Variants in FAM170A observed in about 807,000 individuals in gnomAD.
FAM170A encodes the protein family with sequence similarity 170 member A.
FAM170A carries 28 observed loss-of-function variants against 36.6 expected under a neutral mutation model. The ratio of observed to expected loss-of-function variants is 0.76; its 90% CI spans 0.57 to 1.05. The LOEUF is 1.05. Among genes scored for constraint, FAM170A ranks in the 50% least tolerant of loss-of-function variants. FAM170A has a pLI of 0.00. For synonymous variants in FAM170A, 156 were observed against 143.9 expected, an observed-to-expected ratio of 1.08 and a Z score of -0.60; for missense variants, 434 against 396.5, an observed-to-expected ratio of 1.09 and a Z score of -0.80.
At chr5:119,630,321 ATTTTTTTTTT>A (rs10603530) in intron 1 of FAM170A, among the ~76,000 whole-genome samples, 10 of 118,392 alleles carry the variant, frequency 8.4e-5, no homozygotes, top group African/African-American at 3.0e-4. Context: ...CGCCTGGCTA[ATTTTTTTTTT>A]TTTTTTTTTT....
rs1224354975 is a variant in FAM170A, at chr5:119,631,655, G to A, written c.71-1093G>A. ...GTGGATATAGTTATATACACATACC[G>A]TTCCTCTATTACATACTCACACAAC... On this transcript the variant is annotated intron_variant, in intron 1 of 4. Transcript: ENST00000613773. Among the ~76,000 whole-genome samples the A allele has an allele frequency of 2.6e-5, 4 of 152,130 alleles. No homozygotes were observed. In the East Asian group the frequency reaches 5.8e-4, roughly 22 times the overall value.
At chr5:119,634,968 G>A in intron 3 of FAM170A, 60 bp from the exon 4 acceptor site, 1 of 1,604,398 alleles carries the variant, frequency 6.2e-7, no homozygotes, top group South Asian at 1.1e-5. Flanking sequence ...AGGAAATTCT[G>A]AGAATTTCAA....
intron 1 of FAM170A, 100 bp from the exon 2 acceptor site, chr5:119,632,648 C>G: frequency 4.3e-6 from 5 of 1,173,918 alleles, no homozygotes; most frequent in Non-Finnish European, 5.9e-6. Flanking sequence ...TTCACTACAC[C>G]TGACATAGGT....
In FAM170A at chr5:119,630,810, G is replaced by A. The variant is rs545651506; in HGVS notation, c.70+972G>A. Among the ~76,000 whole-genome samples, 13 of 152,282 alleles carry A rather than the reference G, an allele frequency of 8.5e-5. No homozygotes were observed. The South Asian group carries it at 2.3e-3, about 27-fold the overall frequency. The stretch of plus-strand genomic sequence containing the variant: ...GTGACTGAGGTGGAAGGTGTGAAGG[G>A]TGCTGGTAGAAGTCTATGATTTGCA... On this transcript the variant is annotated intron_variant, in intron 1 of 4. Coordinates refer to ENST00000613773, the Ensembl canonical transcript of FAM170A.
chr5:119,632,835 C>T lies in FAM170A; in HGVS notation c.158C>T (p.Ser53Phe), dbSNP rs746639231. The T allele has an allele frequency of 6.2e-6, 10 of 1,613,294 alleles. No homozygotes were observed. In the Middle Eastern group the frequency reaches 5.0e-4, roughly 80 times the overall value. ...AGCCAAGGGGTGGGAGAAGTTACTT[C>T]TACCTCCGAATACTGCTCCTGCGTT... The change falls in exon 2 of 5, where the codon TCT (serine) becomes TTT (phenylalanine). Residue 53 changes from serine to phenylalanine, a missense_variant. Coordinates refer to ENST00000613773, the Ensembl canonical transcript of FAM170A.
intron 1 of FAM170A, among the ~76,000 whole-genome samples, chr5:119,630,135 C>T (rs1272480772): frequency 3.6e-5 from 5 of 137,680 alleles, no homozygotes; most frequent in African/African-American, 8.3e-5. Context: ...TCCTGATCCG[C>T]CTGCCTCGGC....
At chr5:119,631,280 A>G (rs328703) in intron 1 of FAM170A, among the ~76,000 whole-genome samples, 63,218 of 152,054 alleles carry the variant, frequency 0.42, 13,358 homozygotes, top group South Asian at 0.54. Flanking sequence ...AGCCCTGGGA[A>G]TGGAGGCGTG....
In FAM170A at chr5:119,629,924, C is replaced by T; in HGVS notation, c.70+86C>T. ...TTTTCTTTTTTGAGACGGAGTCTCG[C>T]TCTATCGCCCAGGCTGGAGTGCAGT... On this transcript the variant is annotated intron_variant, in intron 1 of 4. Coordinates refer to ENST00000613773, the Ensembl canonical transcript of FAM170A. The T allele has an allele frequency of 6.4e-6, 7 of 1,091,954 alleles. 1 individual carries two copies. In the South Asian group the frequency reaches 7.7e-5, roughly 12 times the overall value. 67.6% of individuals were successfully genotyped at this position (1,091,954 alleles called of 1,614,324 possible). A position where few individuals can be genotyped will look rare whatever the true frequency, so the allele number is the denominator to read the frequency against.
chr5:119,631,762 CA>C (rs1756257099), intron 1 of FAM170A, among the ~76,000 whole-genome samples: 1 of 152,048 alleles, frequency 6.6e-6, no homozygotes. Flanking sequence ...AACTCTCACA[CA>C]AACACATCTA....
chr5:119,633,663 A>T (rs778256354), intron 2 of FAM170A, among the ~76,000 whole-genome samples: 1 of 151,970 alleles, frequency 6.6e-6, no homozygotes, highest in African/African-American at 2.4e-5. Flanking sequence ...CAAATAACAC[A>T]TCAATGATGG....
exon 3 of FAM170A, chr5:119,634,145 G>T (rs935106433): frequency 6.2e-7 from 1 of 1,614,028 alleles, no homozygotes; most frequent in African/African-American, 1.3e-5. Context: ...CTACATGCAG[G>T]TACAAATGAA....
At chr5:119,630,370 A>G (rs1561523119) in intron 1 of FAM170A, among the ~76,000 whole-genome samples, 2 of 138,068 alleles carry the variant, frequency 1.4e-5, no homozygotes, top group African/African-American at 5.6e-5. Context: ...ACAGGGTTTC[A>G]CCGTGTTAGC....
chr5:119,632,032 G>A (rs1186484881), intron 1 of FAM170A, among the ~76,000 whole-genome samples: 1 of 152,122 alleles, frequency 6.6e-6, no homozygotes, highest in Admixed American at 6.5e-5. Context: ...CTAAAAATAA[G>A]TATGACAAAT....
chr5:119,633,799 T>A (rs901740589), intron 2 of FAM170A, among the ~76,000 whole-genome samples, 161 bp from the exon 3 acceptor site: 2 of 152,034 alleles, frequency 1.3e-5, no homozygotes, highest in Admixed American at 1.3e-4. Context: ...CAAATGACAC[T>A]AGAATCACTA....
At position 119,630,149 on chromosome 5, in the gene FAM170A, C is replaced by CTTT. The variant is rs35312547; in HGVS notation, c.70+325_70+327dup. Among the ~76,000 whole-genome samples the CTTT allele has an allele frequency of 4.3e-3, 369 of 85,230 alleles. 55 individuals are homozygous for CTTT. Among genetic ancestry groups the CTTT allele is most frequent in the African/African-American group, 0.012 (251 of 21,772 alleles). The allele number at this position is 85,230 out of a possible 152,430, so 55.9% of individuals were successfully genotyped here. A position where few individuals can be genotyped will look rare whatever the true frequency, so the allele number is the denominator to read the frequency against. On this transcript the variant is annotated intron_variant, in intron 1 of 4. Coordinates refer to ENST00000613773, the Ensembl canonical transcript of FAM170A. Reference sequence around the variant, plus strand: ...CTCCTGATCCGCCTGCCTCGGCCTCCTTTTTTTTTTTTTTTTCGTTTCTGA... The same window carrying CTTT: ...CTCCTGATCCGCCTGCCTCGGCCTCCTTTTTTTTTTTTTTTTTTTCGTTTCTGA...
exon 1 of FAM170A, chr5:119,629,665 T>C (rs1051441921): frequency 1.3e-5 from 11 of 871,476 alleles, no homozygotes; most frequent in Non-Finnish European, 1.9e-5. Context: ...TTACTCGTAC[T>C]GAATCTTTTT....
chr5:119,629,631 G>C lies in FAM170A; in HGVS notation c.-138G>C, dbSNP rs115308263. ...TTCACTAAGCGGTCTGAGTTCTTTA[G>C]CTATCTCGGAGATTCAACTACGTTT... On this transcript the variant is annotated 5_prime_UTR_variant, in exon 1 of 5. Transcript: ENST00000613773. 597 of 649,410 alleles carry C rather than the reference G, an allele frequency of 9.2e-4. 3 individuals carry two copies. In the African/African-American group the frequency reaches 9.6e-3, roughly 10 times the overall value. 40.2% of individuals were successfully genotyped at this position (649,410 alleles called of 1,614,324 possible).
At chr5:119,635,070 G>T in exon 4 of FAM170A, 1 of 1,612,732 alleles carries the variant, frequency 6.2e-7, no homozygotes, top group Non-Finnish European at 8.5e-7. Flanking sequence ...AGATGGTGTG[G>T]CCTTCTCTTG....
rs185827787 is a variant in FAM170A at position 119,629,844 on chromosome 5, T to C, written c.70+6T>C. 29 of 1,611,414 alleles carry C rather than the reference T, an allele frequency of 1.8e-5. No homozygotes were observed. Among genetic ancestry groups the C allele is most frequent in the Non-Finnish European group, 2.5e-5 (29 of 1,177,932 alleles). ...AACCGCTGAGAAGGGAGGAGGTATG[T>C]GCGGGGCAAACTTTCTGGGGCACAA... On this transcript the variant is annotated splice_donor_region_variant and intron_variant, in intron 1 of 4. Transcript: ENST00000613773.
Sources: allele counts gnomAD v4.1 joint callset (sites outside exome capture counted in the v4.1 genomes callset), GRCh38; gene constraint gnomAD v4.1.1; transcripts MANE v1.5; gene names NCBI Gene and HGNC (gene_info 2026-07-23, HGNC 2026-07-21).